Variants in EMID1 observed in about 807,000 individuals in gnomAD.
The protein encoded by EMID1 is EMI domain containing 1, also known as EMI domain-containing protein 1.
In EMID1, 40 loss-of-function variants were observed where a neutral mutation model predicts 60.6. The observed-to-expected ratio is 0.66, with a 90% CI of 0.51 to 0.86. The LOEUF (loss-of-function observed/expected upper bound fraction) is 0.86, where lower values mean the gene tolerates loss of function less well. EMID1 is among the 40% of genes least tolerant of loss of function. The pLI, the probability that EMID1 is intolerant of heterozygous loss-of-function variation, is 0.00. For missense variants in EMID1, 585 were observed against 597.1 expected, an observed-to-expected ratio of 0.98 and a Z score of 0.21; for synonymous variants, 242 against 231.0, an observed-to-expected ratio of 1.05 and a Z score of -0.43.
At position 29,225,075 on chromosome 22, in the gene EMID1, G is replaced by A. The variant is rs2040449404; in HGVS notation, c.320-58G>A. 23 of 1,575,828 alleles carry A rather than the reference G, an allele frequency of 1.5e-5. No individual in the cohort carries two copies. The East Asian group carries it at 2.2e-4, about 15-fold the overall frequency. ...CTGCTGGGGCTACAGTGGTGGGCAG[G>A]GGGGCCTGAGGAGGCAAGGATCACA... On this transcript the variant is annotated intron_variant, in intron 3 of 14. Transcript: ENST00000334018.
At chr22:29,241,636 G>A (rs5763084) in intron 12 of EMID1, among the ~76,000 whole-genome samples, 31,931 of 151,880 alleles carry the variant, frequency 0.21, 3,690 homozygotes, top group African/African-American at 0.29. Flanking sequence ...TGATCCGCCC[G>A]CCTCAGCCTC....
At chr22:29,235,048 T>C (rs1211779966) in intron 12 of EMID1, among the ~76,000 whole-genome samples, 1 of 151,986 alleles carries the variant, frequency 6.6e-6, no homozygotes, top group Non-Finnish European at 1.5e-5. Flanking sequence ...TAAATTTTAT[T>C]AAATGTAAGA....
chr22:29,231,902 C>T, intron 7 of EMID1: 1 of 565,342 alleles, frequency 1.8e-6, no homozygotes. Flanking sequence ...ACTTATCAGG[C>T]TCTGAGCTGG....
chr22:29,229,873 G>A (rs544034841), intron 5 of EMID1, among the ~76,000 whole-genome samples: 3 of 152,262 alleles, frequency 2.0e-5, no homozygotes, highest in South Asian at 2.1e-4. Context: ...AGGCCCCCAC[G>A]ATCCCTGAGC....
In EMID1 at chr22:29,226,290, C is replaced by T. The variant is rs1271854620; in HGVS notation, c.404-200C>T. 3 of 490,484 alleles carry T rather than the reference C, an allele frequency of 6.1e-6. No homozygotes were observed. In the East Asian group the frequency reaches 1.1e-4, roughly 18 times the overall value. 30.4% of individuals were successfully genotyped at this position (490,484 alleles called of 1,614,324 possible). A position where few individuals can be genotyped will look rare whatever the true frequency, so the allele number is the denominator to read the frequency against. On this transcript the variant is annotated intron_variant, in intron 4 of 14. Transcript: ENST00000334018. ...GAGAAGCAGGCCACTCTGGAGGCTC[C>T]AGTGCCAAAAGGAACCCATAGGGTG...
At chr22:29,255,231 GC>G in intron 14 of EMID1, 1 of 1,307,266 alleles carries the variant, frequency 7.6e-7, no homozygotes, top group South Asian at 2.0e-5. Context: ...GCCCTCGGAG[GC>G]CAGACTCGCA....
chr22:29,225,317 C>T lies in EMID1; in HGVS notation c.403+101C>T. 3 of 1,232,664 alleles carry T rather than the reference C, an allele frequency of 2.4e-6. No homozygotes were observed. The South Asian group carries it at 3.9e-5, about 16-fold the overall frequency. The allele number at this position is 1,232,664 out of a possible 1,614,324, so 76.4% of individuals were successfully genotyped here. On this transcript the variant is annotated intron_variant, in intron 4 of 14. Transcript: ENST00000334018. ...CTGTCCTAAAAGCCAGTAGGTCTGGCAGTGGAGGGTCAAGGACAGTAACTA... is the reference window on the plus strand; with the variant it reads ...CTGTCCTAAAAGCCAGTAGGTCTGGTAGTGGAGGGTCAAGGACAGTAACTA...
intron 3 of EMID1, among the ~76,000 whole-genome samples, chr22:29,217,756 G>T (rs915254636): frequency 5.3e-5 from 8 of 152,196 alleles, no homozygotes; most frequent in African/African-American, 1.7e-4. Context: ...AAACTCTGCT[G>T]GGGTCCTAGG....
rs750299930 is a variant in EMID1 at position 29,215,569 on chromosome 22, G to A, written c.258G>A (p.Lys86=). ...GACCCACATACAAGGTGATGTACAAGATAGTGACCGCCCGTGAGTGGAGGT... is the reference window on the plus strand; with the variant it reads ...GACCCACATACAAGGTGATGTACAAAATAGTGACCGCCCGTGAGTGGAGGT... The part of the protein sequence containing the change: ...VVRPTYKVMY[K]IVTAREWRCC... The change falls in exon 3 of 15, where the codon AAG becomes AAA. Residue 86 remains lysine, a synonymous_variant. Transcript: ENST00000334018. 3.3e-5 allele frequency: 54 copies of A among 1,614,042 alleles called. No individual in the cohort carries two copies. The highest frequency in any genetic ancestry group is 4.5e-5 in the Non-Finnish European group (53 of 1,179,998).
chr22:29,240,371 C>CT, intron 12 of EMID1, among the ~76,000 whole-genome samples: 1 of 149,278 alleles, frequency 6.7e-6, no homozygotes, highest in Non-Finnish European at 1.5e-5. Flanking sequence ...TGAGGCAGGG[C>CT]TTGCACGTCT....
chr22:29,218,683 G>C (rs2146180054), intron 3 of EMID1, among the ~76,000 whole-genome samples: 1 of 152,328 alleles, frequency 6.6e-6, no homozygotes, highest in African/African-American at 2.4e-5. Context: ...GCCATGTCAG[G>C]AGGGCGGGCC....
intron 1 of EMID1, among the ~76,000 whole-genome samples, chr22:29,213,779 G>C (rs1035757171): frequency 6.6e-6 from 1 of 152,164 alleles, no homozygotes; most frequent in Non-Finnish European, 1.5e-5. Flanking sequence ...CTCAAGCCTG[G>C]GGTCAGCAGG....
intron 13 of EMID1, among the ~76,000 whole-genome samples, chr22:29,246,082 G>A (rs1419483295): frequency 6.6e-6 from 1 of 152,210 alleles, no homozygotes; most frequent in African/African-American, 2.4e-5. Flanking sequence ...GCATCCTCCC[G>A]GAGGAGCCAG....
chr22:29,214,769 C>T (rs1463577295), intron 1 of EMID1, among the ~76,000 whole-genome samples, 157 bp from the exon 2 acceptor site: 4 of 152,170 alleles, frequency 2.6e-5, no homozygotes, highest in African/African-American at 7.2e-5. Context: ...TCCCCCCAGC[C>T]ATTTGGGCCC....
intron 13 of EMID1, among the ~76,000 whole-genome samples, chr22:29,244,362 G>A (rs368550958): frequency 5.3e-5 from 8 of 152,154 alleles, no homozygotes; most frequent in South Asian, 2.1e-4. Context: ...AGGCCGAGGC[G>A]GGTAGATAAC....
chr22:29,220,123 C>T (rs1392323726), intron 3 of EMID1, among the ~76,000 whole-genome samples: 3 of 152,082 alleles, frequency 2.0e-5, no homozygotes, highest in African/African-American at 4.8e-5. Flanking sequence ...GAACCTCACC[C>T]TCCTTCTGTT....
intron 13 of EMID1, among the ~76,000 whole-genome samples, chr22:29,244,875 GGA>G (rs1032853785): frequency 1.3e-5 from 2 of 152,156 alleles, no homozygotes; most frequent in African/African-American, 4.8e-5. Context: ...CACTCCTTCA[GGA>G]GAGAGAGACA....
At position 29,225,194 on chromosome 22, in the gene EMID1, G is replaced by T; in HGVS notation, c.381G>T (p.Ala127=). 2 of 1,613,814 alleles carry T rather than the reference G, an allele frequency of 1.2e-6. No homozygotes were observed. Among genetic ancestry groups the T allele is most frequent in the Non-Finnish European group, 1.7e-6 (2 of 1,179,990 alleles). ...CGGGCAGTACCATGCGGCGGATGGC[G>T]CTTCGGCCCACAGCCTTCTCAGGTG... is the stretch of plus-strand genomic sequence containing the variant. ...MWSGSTMRRM[A]LRPTAFSGCL... Residue 127 remains alanine (A), a synonymous_variant, in exon 4 of 15, where the codon GCG becomes GCT. Coordinates refer to ENST00000334018, the MANE Select transcript of EMID1 (RefSeq NM_133455.4).
chr22:29,228,510 A>G (rs941660343), intron 5 of EMID1, among the ~76,000 whole-genome samples: 2 of 152,182 alleles, frequency 1.3e-5, no homozygotes, highest in Non-Finnish European at 2.9e-5. Context: ...TTCTAAACAC[A>G]CAGACATGCA....
Sources: gnomAD v4.1 joint callset for allele counts (sites outside exome capture counted in the v4.1 genomes callset) on GRCh38, gnomAD v4.1.1 for gene constraint, MANE v1.5 for transcripts, NCBI Gene and HGNC (gene_info 2026-07-23, HGNC 2026-07-21) for gene names.